The following KIF26B variants were observed in gnomAD, a reference collection of about 807,000 sequenced individuals.
KIF26B encodes the protein kinesin family member 26B, also known as kinesin-like protein KIF26B.
A neutral mutation model predicts 151.2 loss-of-function variants in KIF26B; 63 were observed. The ratio of observed to expected loss-of-function variants is 0.42; its 90% CI spans 0.34 to 0.51. KIF26B has a LOEUF of 0.51. KIF26B is among the 20% of genes least tolerant of loss of function. The pLI, the probability that KIF26B is intolerant of heterozygous loss-of-function variation, is 0.07. For synonymous variants in KIF26B, 1,357 were observed against 1,262.1 expected, an observed-to-expected ratio of 1.08 and a Z score of -1.59; for missense variants, 2,813 against 2,913.6, an observed-to-expected ratio of 0.97 and a Z score of 0.79.
chr1:245,457,016 C>T, intron 4 of KIF26B, among the ~76,000 whole-genome samples: 1 of 152,176 alleles, frequency 6.6e-6, no homozygotes, highest in Non-Finnish European at 1.5e-5. Context: ...CAGCTGCATG[C>T]TACCATGCCC....
At chr1:245,658,247 T>C (rs1326303017) in intron 10 of KIF26B, among the ~76,000 whole-genome samples, 2 of 152,226 alleles carry the variant, frequency 1.3e-5, no homozygotes, top group Non-Finnish European at 2.9e-5. Flanking sequence ...GATTTTTCCA[T>C]TGTAGATGGA....
chr1:245,686,263 C>G lies in KIF26B; in HGVS notation c.3280C>G (p.Gln1094Glu). The G allele has an allele frequency of 6.2e-7, 1 of 1,612,870 alleles. No homozygotes were observed. Residue 1094 changes from glutamine (Q) to glutamate (E), a missense_variant, in exon 12 of 15, where the codon CAG becomes GAG. Coordinates refer to ENST00000407071, the MANE Select transcript of KIF26B (RefSeq NM_018012.4). The surrounding 1 kb of genome is among the most constrained non-coding windows in gnomAD (Gnocchi z 5.6). ...TTCCCAGAGATGCAAAGTCTACACC[C>G]AGAAGGGGGTCCTGCCGTCTCCCGC... ...SPSQRCKVYT[Q>E]KGVLPSPAPL... is the part of the protein sequence containing the mutation.
intron 2 of KIF26B, among the ~76,000 whole-genome samples, chr1:245,204,750 T>G (rs1253050573): frequency 2.6e-5 from 4 of 152,042 alleles, no homozygotes; most frequent in African/African-American, 9.7e-5. Context: ...AAATCTTAAG[T>G]TTTTAGTTTT....
At chr1:245,514,833 C>T (rs1035717911) in intron 4 of KIF26B, among the ~76,000 whole-genome samples, 2 of 152,132 alleles carry the variant, frequency 1.3e-5, no homozygotes, top group Middle Eastern at 3.2e-3. Context: ...AAAATGCACG[C>T]GAAGCTTACC....
At chr1:245,249,803 A>AATGCACAG (rs1670409724) in intron 2 of KIF26B, among the ~76,000 whole-genome samples, 2 of 152,276 alleles carry the variant, frequency 1.3e-5, no homozygotes, top group South Asian at 4.1e-4. Flanking sequence ...TTGGATACTG[A>AATGCACAG]ATGCACAGAA....
At chr1:245,276,525 G>A (rs750261798) in intron 2 of KIF26B, among the ~76,000 whole-genome samples, 9 of 152,062 alleles carry the variant, frequency 5.9e-5, no homozygotes, top group Non-Finnish European at 1.0e-4. Context: ...TTGACCTGGC[G>A]CCCTTTCCTA....
At chr1:245,187,954 A>G (rs1447238859) in intron 2 of KIF26B, among the ~76,000 whole-genome samples, 1 of 152,122 alleles carries the variant, frequency 6.6e-6, no homozygotes, top group Non-Finnish European at 1.5e-5. Flanking sequence ...ATGAGGATGA[A>G]TGAGGTTAAT....
chr1:245,157,381 T>C (rs1478453389), intron 2 of KIF26B, among the ~76,000 whole-genome samples: 2 of 152,242 alleles, frequency 1.3e-5, no homozygotes, highest in Admixed American at 6.5e-5. Context: ...CAAATGATCA[T>C]ATTTACTCGG....
intron 4 of KIF26B, among the ~76,000 whole-genome samples, chr1:245,452,444 T>C (rs1452638249): frequency 6.6e-6 from 1 of 152,196 alleles, no homozygotes; most frequent in African/African-American, 2.4e-5. Context: ...TTCAGTTCTT[T>C]TGGGTTTATA....
At chr1:245,391,163 C>T (rs1319254731) in intron 3 of KIF26B, among the ~76,000 whole-genome samples, 2 of 152,030 alleles carry the variant, frequency 1.3e-5, no homozygotes, top group African/African-American at 4.8e-5. Flanking sequence ...TTCCAAATGA[C>T]CTTTGCATTA....
intron 2 of KIF26B, among the ~76,000 whole-genome samples, chr1:245,348,585 G>C (rs1672504529): frequency 6.6e-6 from 1 of 152,134 alleles, no homozygotes; most frequent in Non-Finnish European, 1.5e-5. Context: ...CTTTCTAAGA[G>C]CACTAATGTC....
At chr1:245,477,545 G>T (rs1660066842) in intron 4 of KIF26B, among the ~76,000 whole-genome samples, 1 of 151,912 alleles carries the variant, frequency 6.6e-6, no homozygotes, top group Non-Finnish European at 1.5e-5. Context: ...AAGTGGAATG[G>T]TGCAGGTGGC....
intron 2 of KIF26B, among the ~76,000 whole-genome samples, chr1:245,217,362 AAT>A (rs778447743): frequency 2.7e-5 from 3 of 109,694 alleles, no homozygotes; most frequent in Non-Finnish European, 5.5e-5. Context: ...TTTATTTGTT[AAT>A]TTTTTTTTTT....
intron 2 of KIF26B, among the ~76,000 whole-genome samples, chr1:245,251,000 A>G (rs1670433425): frequency 6.6e-6 from 1 of 152,196 alleles, no homozygotes; most frequent in South Asian, 2.1e-4. Context: ...AGAGGAAACC[A>G]CGTGCAAGCT....
intron 4 of KIF26B, among the ~76,000 whole-genome samples, chr1:245,468,451 C>G (rs1659841709): frequency 6.6e-6 from 1 of 152,142 alleles, no homozygotes; most frequent in Admixed American, 6.5e-5. Context: ...TTCAGGCATC[C>G]TTTTTATAGA....
intron 4 of KIF26B, among the ~76,000 whole-genome samples, chr1:245,480,413 G>A (rs1027284209): frequency 2.0e-5 from 3 of 151,772 alleles, no homozygotes; most frequent in African/African-American, 7.2e-5. Context: ...GCCATACTGG[G>A]CTAGGGCCTC....
intron 10 of KIF26B, among the ~76,000 whole-genome samples, chr1:245,662,261 A>C (rs977136382): frequency 4.0e-5 from 6 of 149,914 alleles, no homozygotes; most frequent in South Asian, 2.1e-4. Flanking sequence ...ACACACACAC[A>C]CCCAATATAT....
At chr1:245,211,452 T>G (rs1573710779) in intron 2 of KIF26B, among the ~76,000 whole-genome samples, 1 of 151,834 alleles carries the variant, frequency 6.6e-6, no homozygotes, top group African/African-American at 2.4e-5. Context: ...CAGGCTGGAG[T>G]GCGGTGGCCC....
intron 2 of KIF26B, among the ~76,000 whole-genome samples, chr1:245,366,260 T>C (rs776371115): frequency 1.3e-5 from 2 of 152,162 alleles, no homozygotes; most frequent in Non-Finnish European, 2.9e-5. Flanking sequence ...TTGCCAGGCA[T>C]GGTGGCTCAC....
Sources: gnomAD v4.1 joint callset for allele counts (sites outside exome capture counted in the v4.1 genomes callset) on GRCh38, gnomAD v4.1.1 for gene constraint, Gnocchi (gnomAD v3.1) non-coding constraint, MANE v1.5 for transcripts, NCBI Gene and HGNC (gene_info 2026-07-23, HGNC 2026-07-21) for gene names.